Variants in EYS observed in about 807,000 individuals in gnomAD.
EYS encodes the protein protein eyes shut homolog.
In EYS, 250 loss-of-function variants were observed where a neutral mutation model predicts 282.1. That is an observed-to-expected ratio of 0.89 (90% CI 0.80 to 0.98). EYS has a LOEUF of 0.98. Among genes scored for constraint, EYS ranks in the 50% least tolerant of loss-of-function variants. The pLI is 0.00. For missense variants in EYS, 4,016 were observed against 3,709.0 expected, an observed-to-expected ratio of 1.08 and a Z score of -2.15; for synonymous variants, 1,355 against 1,282.9, an observed-to-expected ratio of 1.06 and a Z score of -1.20.
At chr6:64,443,364 G>A (rs1189954217) in intron 26 of EYS, among the ~76,000 whole-genome samples, 4 of 152,154 alleles carry the variant, frequency 2.6e-5, no homozygotes, top group Non-Finnish European at 5.9e-5. Context: ...ATAGTGGGGA[G>A]GGACTTGCCT....
At chr6:64,375,514 G>A (rs143942052) in intron 29 of EYS, among the ~76,000 whole-genome samples, 2,382 of 152,312 alleles carry the variant, frequency 0.016, 21 homozygotes, top group South Asian at 0.034. Flanking sequence ...GTTTAACCTA[G>A]GCTTGCTTTC....
intron 22 of EYS, among the ~76,000 whole-genome samples, chr6:64,748,301 C>T (rs912655309): frequency 6.6e-6 from 1 of 152,190 alleles, no homozygotes; most frequent in Non-Finnish European, 1.5e-5. Context: ...GAGCAGCGCT[C>T]CCCAACATTT....
chr6:64,149,338 A>G (rs1400610197), intron 31 of EYS, among the ~76,000 whole-genome samples: 1 of 152,212 alleles, frequency 6.6e-6, no homozygotes, highest in East Asian at 1.9e-4. Flanking sequence ...AGGCAGCTAC[A>G]CTGCAAGTCC....
intron 36 of EYS, among the ~76,000 whole-genome samples, chr6:63,838,036 T>C (rs1771852971): frequency 1.3e-5 from 2 of 152,180 alleles, no homozygotes; most frequent in Admixed American, 1.3e-4. Context: ...ACTCTGATTT[T>C]ATGCACTTTA....
intron 2 of EYS, among the ~76,000 whole-genome samples, chr6:65,598,007 G>A (rs113808976): frequency 0.019 from 2,889 of 152,018 alleles, 90 homozygotes; most frequent in African/African-American, 0.067. Context: ...AGCTGAGGTG[G>A]GAGGATCATT....
intron 11 of EYS, among the ~76,000 whole-genome samples, chr6:65,318,786 C>T (rs1414630161): frequency 1.3e-5 from 2 of 150,586 alleles, no homozygotes; most frequent in Non-Finnish European, 3.0e-5. Flanking sequence ...GGACAACAGG[C>T]ATGTGCCACC....
intron 24 of EYS, among the ~76,000 whole-genome samples, chr6:64,595,969 CT>C (rs1218115187): frequency 6.6e-6 from 1 of 152,188 alleles, no homozygotes; most frequent in Non-Finnish European, 1.5e-5. Context: ...GTGCTGGCAT[CT>C]GCTTGGCTTC....
chr6:63,884,858 T>G (rs1387688863), intron 35 of EYS, among the ~76,000 whole-genome samples: 4 of 152,130 alleles, frequency 2.6e-5, no homozygotes, highest in Non-Finnish European at 5.9e-5. Flanking sequence ...AAATGTACCT[T>G]TTTTTAGTGA....
intron 12 of EYS, among the ~76,000 whole-genome samples, chr6:65,158,479 T>C (rs902661901): frequency 2.0e-5 from 3 of 150,956 alleles, no homozygotes; most frequent in African/African-American, 7.3e-5. Context: ...GTCATAGTCA[T>C]ATTCTTAGAT....
chr6:64,670,921 G>A (rs913796508), intron 22 of EYS, among the ~76,000 whole-genome samples: 17 of 145,972 alleles, frequency 1.2e-4, no homozygotes, highest in African/African-American at 3.8e-4. Flanking sequence ...AATTCTAAAT[G>A]ATAAGTAAAA....
intron 26 of EYS, among the ~76,000 whole-genome samples, chr6:64,508,541 T>C (rs1395866711): frequency 2.8e-5 from 4 of 145,198 alleles, no homozygotes; most frequent in African/African-American, 7.8e-5. Flanking sequence ...GAGTTCTGCT[T>C]TTCTAAGTAT....
At position 64,136,655 on chromosome 6, in the gene EYS, A is replaced by G. The variant is rs570417119; in HGVS notation, c.6425-54653T>C. 3.2e-4 allele frequency among the ~76,000 whole-genome samples: 49 copies of G among 152,230 alleles called. 1 individual carries two copies. Among genetic ancestry groups the G allele is most frequent in the African/African-American group, 1.2e-3 (48 of 41,556 alleles). On this transcript the variant is annotated intron_variant, in intron 31 of 42. Coordinates refer to ENST00000503581, the MANE Select transcript of EYS (RefSeq NM_001142800.2). ...TCAGAGCTCTTGGATGACCAGACAC[A>G]TTTGTCATGAGCAGTAATATTTTGA...
intron 12 of EYS, among the ~76,000 whole-genome samples, chr6:65,256,646 C>T (rs1393599016): frequency 2.4e-5 from 1 of 41,654 alleles, no homozygotes; most frequent in African/African-American, 1.2e-4. Flanking sequence ...ATATGTGCCA[C>T]ATTTTCTTAA....
At chr6:64,021,632 AG>A (rs1769196182) in intron 33 of EYS, among the ~76,000 whole-genome samples, 1 of 152,202 alleles carries the variant, frequency 6.6e-6, no homozygotes, top group African/African-American at 2.4e-5. Flanking sequence ...TGAATTGAAA[AG>A]ATTATCATAT....
intron 31 of EYS, among the ~76,000 whole-genome samples, chr6:64,127,268 T>C (rs951978890): frequency 2.6e-5 from 4 of 152,198 alleles, no homozygotes; most frequent in Admixed American, 2.0e-4. Context: ...CTAATTTACT[T>C]GAACAGTATT....
At chr6:65,413,807 G>A (rs1767122831) in intron 5 of EYS, among the ~76,000 whole-genome samples, 1 of 151,974 alleles carries the variant, frequency 6.6e-6, no homozygotes, top group South Asian at 2.1e-4. Flanking sequence ...AGTGAGCCGA[G>A]ATTGCGCCAC....
intron 31 of EYS, among the ~76,000 whole-genome samples, chr6:64,084,230 C>T (rs1010291979): frequency 6.6e-6 from 1 of 152,200 alleles, no homozygotes; most frequent in South Asian, 2.1e-4. Flanking sequence ...TGCAGCCATA[C>T]CCTGCCTTCT....
At chr6:64,198,198 G>A (rs184533376) in intron 31 of EYS, among the ~76,000 whole-genome samples, 2 of 150,122 alleles carry the variant, frequency 1.3e-5, no homozygotes, top group East Asian at 1.9e-4. Context: ...TAGTAGAGAC[G>A]GGGTTTCATC....
At chr6:64,263,027 T>C (rs531470281) in intron 30 of EYS, among the ~76,000 whole-genome samples, 1 of 152,018 alleles carries the variant, frequency 6.6e-6, no homozygotes, top group African/African-American at 2.4e-5. Flanking sequence ...CTGCAGGCTA[T>C]GGAAGCTTTC....
Sources: allele counts gnomAD v4.1 joint callset (sites outside exome capture counted in the v4.1 genomes callset), GRCh38; gene constraint gnomAD v4.1.1; transcripts MANE v1.5; gene names NCBI Gene and HGNC (gene_info 2026-07-23, HGNC 2026-07-21).